Variants in HUWE1 observed in about 807,000 individuals in gnomAD.
The protein encoded by HUWE1 is E3 ubiquitin-protein ligase HUWE1.
HUWE1 carries 18 observed loss-of-function variants against 299.4 expected under a neutral mutation model. The observed-to-expected ratio is 0.06, with a 90% CI of 0.04 to 0.09. The LOEUF is 0.09. Ranked by LOEUF, HUWE1 falls within the 10% of genes least tolerant of loss-of-function variation. The pLI, the probability that HUWE1 is intolerant of heterozygous loss-of-function variation, is 1.00. For synonymous variants in HUWE1, 1,317 were observed against 1,286.1 expected (o/e 1.02, Z -0.51); for missense variants, 1,832 against 3,462.3 (o/e 0.53, Z 11.82).
At position 53,628,739 on chromosome X, in the gene HUWE1, C is replaced by T. The variant is rs377185235; in HGVS notation, c.1114+13G>A. On this transcript the variant is annotated intron_variant, in intron 14 of 83. Transcript: ENST00000262854. ...GTTTCTTCTTGCCTAAGATAATCAC[C>T]ATCAAAACTTACCAATCATGGCCTG... 17 of 1,209,374 alleles carry T rather than the reference C, an allele frequency of 1.4e-5. No homozygotes were observed. The African/African-American group carries it at 2.6e-4, about 19-fold the overall frequency.
rs1170817271 is a variant in HUWE1, at chrX:53,552,179, C to G, written c.8881+132G>C. On this transcript the variant is annotated intron_variant, in intron 63 of 83. Coordinates refer to ENST00000262854, the MANE Select transcript of HUWE1 (RefSeq NM_031407.7). ...TTTCATTATGCCATACCAGCACCCC[C>G]GCTTATTGTCAGTCCTCCCACATAC... The G allele has an allele frequency of 4.1e-6, 3 of 728,816 alleles. No individual in the cohort carries two copies. The Admixed American group carries it at 7.8e-5, about 19-fold the overall frequency. The allele number at this position is 728,816 out of a possible 1,213,427, so 60.1% of individuals were successfully genotyped here. A position where few individuals can be genotyped will look rare whatever the true frequency, so the allele number is the denominator to read the frequency against.
intron 75 of HUWE1, 27 bp downstream of exon 75, chrX:53,539,630 G>A: frequency 8.3e-7 from 1 of 1,208,787 alleles, no homozygotes; most frequent in Non-Finnish European, 1.1e-6. Flanking sequence ...ACTGGGTTGG[G>A]ACCTGGGCCT....
Position 53,604,550 on chromosome X carries a change from C to T in HUWE1, c.2742+39G>A, listed in dbSNP as rs782285662. On this transcript the variant is annotated intron_variant, in intron 26 of 83. Transcript: ENST00000262854. ...GGTGTATGCCCTAGATATTTCACTG[C>T]CTTTAAATTAATATGTTCACCCCTA... 3.3e-6 allele frequency: 4 copies of T among 1,199,486 alleles called. No individual in the cohort carries two copies. The South Asian group carries it at 5.3e-5, about 16-fold the overall frequency.
intron 30 of HUWE1, 61 bp downstream of exon 30, chrX:53,595,126 G>T: frequency 2.0e-6 from 2 of 995,822 alleles, no homozygotes; most frequent in Non-Finnish European, 2.8e-6. Flanking sequence ...AGTAGTATAG[G>T]AACAACTTAC....
chrX:53,627,690 C>T, intron 16 of HUWE1, 49 bp downstream of exon 16: 1 of 1,109,550 alleles, frequency 9.0e-7, no homozygotes, highest in Non-Finnish European at 1.2e-6. Flanking sequence ...TCCTTAGGTT[C>T]AGCTCTGAGT....
chrX:53,579,453 G>C (rs1030246094), intron 43 of HUWE1, among the ~76,000 whole-genome samples: 1 of 112,532 alleles, frequency 8.9e-6, no homozygotes, highest in African/African-American at 3.2e-5. Flanking sequence ...GGTGTGCCCA[G>C]TGGCTCATTG....
intron 34 of HUWE1, among the ~76,000 whole-genome samples, 153 bp from the exon 35 acceptor site, chrX:53,590,652 T>C (rs1461102354): frequency 8.9e-6 from 1 of 112,228 alleles, no homozygotes; most frequent in African/African-American, 3.2e-5. Flanking sequence ...AGTCAAACCC[T>C]ATCAGGCTTA....
intron 29 of HUWE1, among the ~76,000 whole-genome samples, chrX:53,595,694 A>C (rs782012910): frequency 8.9e-6 from 1 of 112,172 alleles, no homozygotes; most frequent in East Asian, 2.8e-4. Flanking sequence ...ATTTAAGTTA[A>C]ATGATATCTA....
intron 7 of HUWE1, among the ~76,000 whole-genome samples, chrX:53,641,712 T>C (rs1444951905): frequency 8.9e-6 from 1 of 111,954 alleles, no homozygotes; most frequent in Non-Finnish European, 1.9e-5. Context: ...AAAAATCATA[T>C]GTATCAATCA....
Position 53,537,674 on chromosome X carries a change from G to A in HUWE1, c.12019C>T (p.Arg4007Cys), listed in dbSNP as rs1556914325. 1 of 1,208,844 alleles carries A rather than the reference G, an allele frequency of 8.3e-7. No homozygotes were observed. The highest frequency in any genetic ancestry group is 1.1e-6 in the Non-Finnish European group (1 of 893,840). ...TCTTTCCGGAGCCCCTCATCTAAAC[G>A]CTCCAGCTCTTGGCGGAAATATCTT... Reference protein sequence around the residue: ...KRKYFRQELERLDEGLRKEDM... With the variant: ...KRKYFRQELECLDEGLRKEDM... The change falls in exon 78 of 84, where the codon CGT (arginine) becomes TGT (cysteine). Residue 4007 changes from arginine (R) to cysteine (C), a missense_variant. Arg to Cys is a radical substitution (Grantham distance 180, BLOSUM62 -3). Coordinates refer to ENST00000262854, the MANE Select transcript of HUWE1 (RefSeq NM_031407.7).
intron 3 of HUWE1, among the ~76,000 whole-genome samples, chrX:53,654,808 AT>A (rs1569511660): frequency 8.9e-6 from 1 of 112,515 alleles, no homozygotes; most frequent in East Asian, 2.8e-4. Flanking sequence ...AGGCATCAGA[AT>A]ATTAATTCAT....
chrX:53,598,106 C>G (rs946223968), intron 29 of HUWE1, among the ~76,000 whole-genome samples: 2 of 111,674 alleles, frequency 1.8e-5, no homozygotes, highest in Admixed American at 1.9e-4. Flanking sequence ...GAGCAAGTAA[C>G]AGAAGACGTC....
At chrX:53,601,701 T>C (rs1316471828) in intron 28 of HUWE1, among the ~76,000 whole-genome samples, 2 of 104,867 alleles carry the variant, frequency 1.9e-5, no homozygotes, top group Non-Finnish European at 3.9e-5. Flanking sequence ...GGTGTTTCGC[T>C]CTTGTTGCCC....
chrX:53,653,859 A>T (rs1557041605), intron 4 of HUWE1, among the ~76,000 whole-genome samples: 2 of 112,035 alleles, frequency 1.8e-5, no homozygotes, highest in African/African-American at 6.5e-5. Context: ...ATCGGTGTTC[A>T]CTTTCCACTG....
intron 3 of HUWE1, among the ~76,000 whole-genome samples, chrX:53,678,143 C>G (rs1436381743): frequency 8.9e-6 from 1 of 111,983 alleles, no homozygotes; most frequent in Non-Finnish European, 1.9e-5. Flanking sequence ...TCATTCTATG[C>G]CACCAACTGT....
At chrX:53,573,132 C>T (rs1243037644) in intron 47 of HUWE1, among the ~76,000 whole-genome samples, 2 of 111,835 alleles carry the variant, frequency 1.8e-5, no homozygotes, top group African/African-American at 6.5e-5. Flanking sequence ...TTCTCTCTGA[C>T]TCCAGTCTTC....
At chrX:53,644,204 G>C (rs1557033675) in intron 7 of HUWE1, among the ~76,000 whole-genome samples, 1 of 112,398 alleles carries the variant, frequency 8.9e-6, no homozygotes, top group Non-Finnish European at 1.9e-5. Context: ...GTAAATGACA[G>C]AAGTTAATGT....
intron 23 of HUWE1, among the ~76,000 whole-genome samples, chrX:53,612,002 T>C (rs1438321695): frequency 8.0e-5 from 9 of 111,916 alleles, no homozygotes; most frequent in African/African-American, 2.9e-4. Flanking sequence ...TGGGCAAGAC[T>C]TCTGGGGAGA....
At chrX:53,603,253 A>C in intron 27 of HUWE1, 115 bp downstream of exon 27, 1 of 678,619 alleles carries the variant, frequency 1.5e-6, no homozygotes, top group South Asian at 2.4e-5. Flanking sequence ...GGAAGAGGGA[A>C]GGACAAGGAG....
Sources: allele counts gnomAD v4.1 joint callset (sites outside exome capture counted in the v4.1 genomes callset), GRCh38; gene constraint gnomAD v4.1.1; transcripts MANE v1.5; gene names NCBI Gene and HGNC (gene_info 2026-07-23, HGNC 2026-07-21).